TCAIM: variants seen among roughly 807,000 people sequenced by gnomAD.
TCAIM encodes T cell activation inhibitor, mitochondrial, also known as T-cell activation inhibitor, mitochondrial.
Under a neutral mutation model 58.6 loss-of-function variants are expected in TCAIM, and 36 were observed. The ratio of observed to expected loss-of-function variants is 0.61; its 90% CI spans 0.47 to 0.81. The LOEUF is 0.81. Ranked by LOEUF, TCAIM falls within the 30% of genes least tolerant of loss-of-function variation. TCAIM has a pLI of 0.00. For synonymous variants in TCAIM, 172 were observed against 193.6 expected (o/e 0.89, Z 0.93); for missense variants, 466 against 579.6 (o/e 0.80, Z 2.01).
intron 9 of TCAIM, chr3:44,400,868 T>A (rs115379814): frequency 0.014 from 6,706 of 495,122 alleles, 102 homozygotes; most frequent in African/African-American, 0.052. Flanking sequence ...TAATAGTAAA[T>A]CAGTAGCCAA....
At chr3:44,393,785 A>C (rs1160778635) in intron 6 of TCAIM, among the ~76,000 whole-genome samples, 1 of 152,140 alleles carries the variant, frequency 6.6e-6, no homozygotes, top group East Asian at 1.9e-4. Context: ...AGTGTTTTAA[A>C]AGATTAGTAT....
At chr3:44,404,904 A>T (rs939010551) in intron 10 of TCAIM, among the ~76,000 whole-genome samples, 1 of 151,944 alleles carries the variant, frequency 6.6e-6, no homozygotes, top group Non-Finnish European at 1.5e-5. Flanking sequence ...AAGGAGCCAG[A>T]GGCCACCCAT....
chr3:44,350,782 G>T (rs1019771238), intron 1 of TCAIM, among the ~76,000 whole-genome samples: 1 of 152,048 alleles, frequency 6.6e-6, no homozygotes, highest in Admixed American at 6.5e-5. Flanking sequence ...AAAATAAGAA[G>T]CAAAATGAAA....
chr3:44,371,175 A>G (rs1701463650), intron 5 of TCAIM, among the ~76,000 whole-genome samples: 1 of 151,292 alleles, frequency 6.6e-6, no homozygotes, highest in Non-Finnish European at 1.5e-5. Context: ...ACCTCCCAAA[A>G]TGCTGGGATT....
At chr3:44,355,720 AGG>A (rs1283074657) in intron 2 of TCAIM, among the ~76,000 whole-genome samples, 2 of 152,248 alleles carry the variant, frequency 1.3e-5, no homozygotes, top group African/African-American at 4.8e-5. Context: ...ACATTGAGAA[AGG>A]TGGTACCACA....
chr3:44,351,564 G>A (rs560929386), intron 1 of TCAIM, among the ~76,000 whole-genome samples: 41 of 151,724 alleles, frequency 2.7e-4, no homozygotes, highest in Middle Eastern at 3.4e-3. Flanking sequence ...GCGTGATCTC[G>A]GCTCACTCCA....
intron 5 of TCAIM, among the ~76,000 whole-genome samples, chr3:44,370,313 T>G (rs1026573473): frequency 1.3e-5 from 2 of 151,860 alleles, no homozygotes; most frequent in Non-Finnish European, 2.9e-5. Context: ...TACAAAAAAT[T>G]AGCGTGGTGG....
intron 6 of TCAIM, among the ~76,000 whole-genome samples, chr3:44,393,593 A>T (rs1005196638): frequency 3.0e-4 from 45 of 152,144 alleles, no homozygotes; most frequent in African/African-American, 1.0e-3. Flanking sequence ...TTCCATATAC[A>T]CATAATATAT....
chr3:44,398,445 TTAGATAGATAGA>T (rs58163075), intron 8 of TCAIM, among the ~76,000 whole-genome samples: 3,830 of 145,318 alleles, frequency 0.026, 61 homozygotes, highest in East Asian at 0.088. Context: ...GATACAAAGA[TTAGATAGATAGA>T]TAGATAGATA....
At chr3:44,389,037 A>G (rs1701789427) in intron 5 of TCAIM, among the ~76,000 whole-genome samples, 1 of 152,230 alleles carries the variant, frequency 6.6e-6, no homozygotes, top group South Asian at 2.1e-4. Context: ...TACGCCTGTA[A>G]TCCCGGCACT....
At chr3:44,404,723 A>G (rs1702072355) in intron 10 of TCAIM, among the ~76,000 whole-genome samples, 1 of 151,816 alleles carries the variant, frequency 6.6e-6, no homozygotes, top group Non-Finnish European at 1.5e-5. Context: ...GTTTTCAGAT[A>G]CTTTTTCACT....
Position 44,378,546 on chromosome 3 carries a change from G to A in TCAIM, c.572+10838G>A, listed in dbSNP as rs146983906. Among the ~76,000 whole-genome samples, 317 of 152,118 alleles carry A rather than the reference G, an allele frequency of 2.1e-3. 1 individual carries two copies. Among genetic ancestry groups the A allele is most frequent in the African/African-American group, 6.5e-3 (268 of 41,498 alleles). ...TCATAAGAAAAATGCAGCTGGGTGC[G>A]GTGGCTCACGCCTGTAATCCCAGTG... On this transcript the variant is annotated intron_variant, in intron 5 of 10. Coordinates refer to ENST00000342649, the MANE Select transcript of TCAIM (RefSeq NM_173826.4).
intron 5 of TCAIM, among the ~76,000 whole-genome samples, chr3:44,375,297 C>G (rs1441224026): frequency 6.6e-6 from 1 of 152,146 alleles, no homozygotes; most frequent in Non-Finnish European, 1.5e-5. Flanking sequence ...GCTCATGGTT[C>G]TGCAGGCTGT....
At chr3:44,343,651 A>G (rs1306459918) in intron 1 of TCAIM, among the ~76,000 whole-genome samples, 1 of 152,162 alleles carries the variant, frequency 6.6e-6, no homozygotes, top group African/African-American at 2.4e-5. Flanking sequence ...ACTGTTTTAG[A>G]CAGCAGAGGC....
chr3:44,378,061 A>G (rs1701594148), intron 5 of TCAIM, among the ~76,000 whole-genome samples: 1 of 152,212 alleles, frequency 6.6e-6, no homozygotes, highest in African/African-American at 2.4e-5. Flanking sequence ...ACAAAGGTCT[A>G]ATATCCAGAA....
rs892672972 is a variant in TCAIM, at chr3:44,396,569, C to A, written c.793+72C>A. ...ACGTCTATAAATTTTAATGGAAAAA[C>A]CAAATAACTTTATCACAGCTGAACT... is the stretch of plus-strand genomic sequence containing the variant. On this transcript the variant is annotated intron_variant, in intron 7 of 10. Coordinates refer to ENST00000342649, the MANE Select transcript of TCAIM (RefSeq NM_173826.4). The A allele has an allele frequency of 2.7e-5, 40 of 1,494,398 alleles. No individual in the cohort carries two copies. The African/African-American group carries it at 4.2e-4, about 16-fold the overall frequency. 92.6% of individuals were successfully genotyped at this position (1,494,398 alleles called of 1,614,324 possible).
Position 44,396,406 on chromosome 3 carries a change from G to A in TCAIM, c.702G>A (p.Gln234=). 1 of 1,612,858 alleles carries A rather than the reference G, an allele frequency of 6.2e-7. No individual in the cohort carries two copies. The highest frequency in any genetic ancestry group is 8.5e-7 in the Non-Finnish European group (1 of 1,179,658). Residue 234 remains glutamine, a synonymous_variant, in exon 7 of 11, where the codon CAG becomes CAA. Transcript: ENST00000342649. The stretch of plus-strand genomic sequence containing the variant: ...GTGTGCTCTGTTGGCCTAGGTGGCA[G>A]AGGAGCTGGGGCATCGCCCACCGCT... ...HQLQLSDIRW[Q]RSWGIAHRCS...
chr3:44,384,698 C>A (rs144416528), intron 5 of TCAIM, among the ~76,000 whole-genome samples: 183 of 152,316 alleles, frequency 1.2e-3, no homozygotes, highest in Middle Eastern at 3.4e-3. Flanking sequence ...TGGGAATCTT[C>A]ATTGCCACAT....
At chr3:44,389,042 G>A (rs577558742) in intron 5 of TCAIM, among the ~76,000 whole-genome samples, 4 of 152,188 alleles carry the variant, frequency 2.6e-5, no homozygotes, top group South Asian at 4.2e-4. Context: ...CTGTAATCCC[G>A]GCACTTTGGG....
Sources: gnomAD v4.1 joint callset for allele counts (sites outside exome capture counted in the v4.1 genomes callset) on GRCh38, gnomAD v4.1.1 for gene constraint, MANE v1.5 for transcripts, NCBI Gene and HGNC (gene_info 2026-07-23, HGNC 2026-07-21) for gene names.